Variants in RBFOX1 observed in about 807,000 individuals in gnomAD.
RBFOX1 encodes the protein RNA binding fox-1 homolog 1, also known as RNA binding protein fox-1 homolog 1.
A neutral mutation model predicts 57.7 loss-of-function variants in RBFOX1; 8 were observed. The observed-to-expected ratio is 0.14, with a 90% CI of 0.08 to 0.25. RBFOX1 has a LOEUF of 0.25. Among genes scored for constraint, RBFOX1 ranks in the 10% least tolerant of loss-of-function variants. The probability of loss-of-function intolerance (pLI) is 1.00; values close to 1 mark genes in which losing one functional copy is unlikely to be tolerated. For synonymous variants in RBFOX1, 326 were observed against 222.4 expected (o/e 1.47, Z -4.15); for missense variants, 611 against 548.5 (o/e 1.11, Z -1.14).
At chr16:7,496,759 A>AAAAAAG (rs1555517577) in intron 4 of RBFOX1, among the ~76,000 whole-genome samples, 2 of 151,538 alleles carry the variant, frequency 1.3e-5, no homozygotes, top group Non-Finnish European at 1.5e-5. Context: ...AAAAAAAAAA[A>AAAAAAG]CAGTTTGCAT....
Position 5,501,367 on chromosome 16 carries a change from A to C in RBFOX1, c.258+34113A>C, listed in dbSNP as rs563543147. On this transcript the variant is annotated intron_variant, in intron 2 of 2. Transcript: ENST00000585867. ...GAAAAAATAAAATTATCAATTATCT[A>C]TTCCCCAGCCAAGCAGGCTCCCACA... 3.6e-4 allele frequency among the ~76,000 whole-genome samples: 54 copies of C among 150,594 alleles called. 2 individuals are homozygous for C. The South Asian group carries it at 8.4e-3, about 24-fold the overall frequency.
At chr16:5,471,217 G>T (rs2069123418) in intron 2 of RBFOX1, among the ~76,000 whole-genome samples, 1 of 152,172 alleles carries the variant, frequency 6.6e-6, no homozygotes, top group African/African-American at 2.4e-5. Flanking sequence ...ATGCTAAAAA[G>T]TTCTTAGTCG....
chr16:6,256,191 ATATATGTATATG>A (rs2097662736), intron 1 of RBFOX1, among the ~76,000 whole-genome samples: 3 of 17,504 alleles, frequency 1.7e-4, no homozygotes, highest in African/African-American at 4.3e-4. Context: ...ATATACGTAT[ATATATGTATATG>A]TATATGTGTA....
intron 4 of RBFOX1, among the ~76,000 whole-genome samples, chr16:7,195,661 G>A (rs754128529): frequency 1.8e-4 from 28 of 152,086 alleles, no homozygotes; most frequent in East Asian, 3.9e-4. Flanking sequence ...AGGTTCAAGC[G>A]ATAGCCTCAG....
intron 3 of RBFOX1, among the ~76,000 whole-genome samples, chr16:5,650,819 G>A (rs2049210856): frequency 6.6e-6 from 1 of 152,070 alleles, no homozygotes; most frequent in Non-Finnish European, 1.5e-5. Context: ...TTGTCCTTAT[G>A]GAGGACGGGG....
Position 7,210,217 on chromosome 16 carries a change from T to A in RBFOX1, c.27+158119T>A, listed in dbSNP as rs143868138. On this transcript the variant is annotated intron_variant, in intron 4 of 15. Transcript: ENST00000550418. ...AAACACAACCAATAGGATACTTCTA[T>A]AGGTTAAGAGATTTATTGCAAGGGA... is the stretch of plus-strand genomic sequence containing the variant. Among the ~76,000 whole-genome samples the A allele has an allele frequency of 2.0e-5, 3 of 152,286 alleles. No individual in the cohort carries two copies. In the East Asian group the frequency reaches 5.8e-4, roughly 30 times the overall value.
intron 4 of RBFOX1, among the ~76,000 whole-genome samples, chr16:7,178,347 A>G (rs1051494154): frequency 1.3e-5 from 2 of 152,234 alleles, no homozygotes; most frequent in South Asian, 4.1e-4. Flanking sequence ...TGGTAATTAA[A>G]TGACTGGGTC....
intron 1 of RBFOX1, among the ~76,000 whole-genome samples, chr16:6,122,442 A>G (rs1597502606): frequency 6.6e-6 from 1 of 152,146 alleles, no homozygotes; most frequent in East Asian, 1.9e-4. Context: ...GAATGAACAA[A>G]TGCACTTTAT....
intron 2 of RBFOX1, among the ~76,000 whole-genome samples, chr16:5,538,225 T>G (rs543173174): frequency 8.7e-4 from 133 of 152,282 alleles, no homozygotes; most frequent in African/African-American, 3.1e-3. Flanking sequence ...CAATATGGAT[T>G]CAAATGACAC....
At chr16:6,028,006 G>A (rs537321596) in intron 1 of RBFOX1, among the ~76,000 whole-genome samples, 1 of 152,278 alleles carries the variant, frequency 6.6e-6, no homozygotes, top group African/African-American at 2.4e-5. Flanking sequence ...CGGAGCAGGG[G>A]ATTGAGAGGG....
intron 4 of RBFOX1, among the ~76,000 whole-genome samples, chr16:7,294,077 C>T (rs898562562): frequency 6.6e-6 from 1 of 152,162 alleles, no homozygotes; most frequent in African/African-American, 2.4e-5. Context: ...AGAGAATCTT[C>T]TGCAGGCTTT....
At chr16:5,540,433 A>G (rs4511536) in intron 2 of RBFOX1, among the ~76,000 whole-genome samples, 112,620 of 152,170 alleles carry the variant, frequency 0.74, 42,133 homozygotes, top group East Asian at 0.99. Flanking sequence ...TTGGTCTGAT[A>G]TATGGCACAC....
At chr16:5,811,184 C>T (rs1277637990) in intron 3 of RBFOX1, among the ~76,000 whole-genome samples, 1 of 133,212 alleles carries the variant, frequency 7.5e-6, no homozygotes, top group Non-Finnish European at 1.5e-5. Flanking sequence ...AGTCTGTCAC[C>T]CAGGCTGCAG....
chr16:7,661,790 C>G (rs1280806762), intron 12 of RBFOX1, among the ~76,000 whole-genome samples: 1 of 152,126 alleles, frequency 6.6e-6, no homozygotes, highest in Non-Finnish European at 1.5e-5. Context: ...AATGAGAAAG[C>G]TACACTAGTT....
At chr16:5,413,345 T>C (rs970169234) in intron 1 of RBFOX1, among the ~76,000 whole-genome samples, 3 of 152,190 alleles carry the variant, frequency 2.0e-5, no homozygotes, top group Non-Finnish European at 2.9e-5. Context: ...TTATTTTCTT[T>C]CTCCTCATTA....
intron 3 of RBFOX1, among the ~76,000 whole-genome samples, chr16:7,047,001 A>T (rs1178084443): frequency 6.7e-6 from 1 of 149,708 alleles, no homozygotes; most frequent in Admixed American, 6.7e-5. Context: ...GCCATTAAAC[A>T]TATTTTAATG....
intron 2 of RBFOX1, among the ~76,000 whole-genome samples, chr16:6,476,954 A>G (rs752745347): frequency 1.1e-4 from 17 of 152,152 alleles, no homozygotes; most frequent in Non-Finnish European, 2.4e-4. Context: ...ATCTCAAGGA[A>G]CCACTTTTTC....
Position 7,235,644 on chromosome 16 carries a change from G to A in RBFOX1, c.27+183546G>A, listed in dbSNP as rs573702606. 1.2e-4 allele frequency among the ~76,000 whole-genome samples: 19 copies of A among 152,328 alleles called. 1 individual carries two copies. The Middle Eastern group carries it at 0.01, about 82-fold the overall frequency. Reference sequence around the variant, plus strand: ...GGGATGAATTAGCCTTTTGTGGGATGAATATGATGCCTCCCTCTGCCATGA... The same window carrying A: ...GGGATGAATTAGCCTTTTGTGGGATAAATATGATGCCTCCCTCTGCCATGA... On this transcript the variant is annotated intron_variant, in intron 4 of 15. Coordinates refer to ENST00000550418, the MANE Select transcript of RBFOX1 (RefSeq NM_018723.4).
At chr16:5,742,248 C>T (rs1361270701) in intron 3 of RBFOX1, among the ~76,000 whole-genome samples, 17 of 118,246 alleles carry the variant, frequency 1.4e-4, no homozygotes, top group African/African-American at 3.8e-4. Flanking sequence ...CCCTTCCTTC[C>T]TTCCTCCCTT....
Sources: gnomAD v4.1 joint callset for allele counts (sites outside exome capture counted in the v4.1 genomes callset) on GRCh38, gnomAD v4.1.1 for gene constraint, MANE v1.5 for transcripts, NCBI Gene and HGNC (gene_info 2026-07-23, HGNC 2026-07-21) for gene names.